Variants in CDK14 observed in about 807,000 individuals in gnomAD.
CDK14 encodes the protein cyclin-dependent kinase 14.
CDK14 carries 34 observed loss-of-function variants against 60.7 expected under a neutral mutation model. The observed-to-expected ratio is 0.56, with a 90% CI of 0.43 to 0.75. The LOEUF (loss-of-function observed/expected upper bound fraction) is 0.75. CDK14 is among the 30% of genes least tolerant of loss of function. The pLI, the probability that CDK14 is intolerant of heterozygous loss-of-function variation, is 0.00. For synonymous variants in CDK14, 197 were observed against 203.7 expected (o/e 0.97, Z 0.28); for missense variants, 482 against 564.1 (o/e 0.85, Z 1.47).
At chr7:91,141,596 A>C (rs43008) in intron 14 of CDK14, among the ~76,000 whole-genome samples, 56,792 of 128,354 alleles carry the variant, frequency 0.44, 12,116 homozygotes, top group Non-Finnish European at 0.54. Context: ...GACAACAGAG[A>C]AAGTAAGGTC....
At chr7:91,056,642 A>G (rs1797574977) in intron 11 of CDK14, among the ~76,000 whole-genome samples, 1 of 148,362 alleles carries the variant, frequency 6.7e-6, no homozygotes, top group East Asian at 2.0e-4. Context: ...CCCACCTATG[A>G]GTGAGAACAT....
In CDK14 at chr7:90,925,442, C is replaced by T. The variant is rs140043116; in HGVS notation, c.826+7718C>T. ...TGAGGCATAAGCAGAGGATGGAAAA[C>T]GATGGAAGATTTCAAGATCAAATGT... is the stretch of plus-strand genomic sequence containing the variant. On this transcript the variant is annotated intron_variant, in intron 8 of 14. Coordinates refer to ENST00000380050, the MANE Select transcript of CDK14 (RefSeq NM_001287135.2). 1.8e-3 allele frequency among the ~76,000 whole-genome samples: 277 copies of T among 152,238 alleles called. 2 individuals are homozygous for T. The Middle Eastern group carries it at 0.024, about 13-fold the overall frequency.
chr7:90,919,095 A>C (rs1296316119), intron 8 of CDK14, among the ~76,000 whole-genome samples: 1 of 152,096 alleles, frequency 6.6e-6, no homozygotes, highest in South Asian at 2.1e-4. Context: ...GAAGGTTTGC[A>C]GTTTCTCAAA....
chr7:90,744,092 G>A (rs987370103), intron 3 of CDK14, among the ~76,000 whole-genome samples: 1 of 152,122 alleles, frequency 6.6e-6, no homozygotes, highest in African/African-American at 2.4e-5. Flanking sequence ...GACAATAGTG[G>A]ATGGAAGGTT....
At chr7:90,748,442 T>C (rs1400554306) in intron 4 of CDK14, among the ~76,000 whole-genome samples, 2 of 152,244 alleles carry the variant, frequency 1.3e-5, no homozygotes, top group East Asian at 3.8e-4. Flanking sequence ...TAGTGACATG[T>C]AGTTGTAGAT....
intron 11 of CDK14, among the ~76,000 whole-genome samples, chr7:91,061,749 G>A (rs1038866157): frequency 3.3e-5 from 5 of 152,180 alleles, no homozygotes; most frequent in South Asian, 2.1e-4. Flanking sequence ...CTGCCTGATC[G>A]TTCCTCTGGA....
chr7:91,011,440 T>A (rs1796156762), intron 10 of CDK14, among the ~76,000 whole-genome samples: 1 of 152,190 alleles, frequency 6.6e-6, no homozygotes, highest in South Asian at 2.1e-4. Flanking sequence ...ATTATATTTT[T>A]GTGCTTGGCG....
At chr7:90,663,939 A>T (rs1426514588) in intron 2 of CDK14, among the ~76,000 whole-genome samples, 3 of 152,246 alleles carry the variant, frequency 2.0e-5, no homozygotes, top group African/African-American at 4.8e-5. Context: ...CTTAAAAATC[A>T]TGTTTTTGCA....
intron 2 of CDK14, among the ~76,000 whole-genome samples, chr7:90,705,306 A>T (rs1219655889): frequency 6.6e-6 from 1 of 152,112 alleles, no homozygotes; most frequent in East Asian, 1.9e-4. Flanking sequence ...CTGTTAAAAA[A>T]AAGTGTTTTC....
intron 2 of CDK14, among the ~76,000 whole-genome samples, chr7:90,672,200 A>G (rs1388594339): frequency 1.3e-5 from 2 of 152,156 alleles, no homozygotes; most frequent in African/African-American, 4.8e-5. Flanking sequence ...TAATTCACCC[A>G]TTTTAAGTAT....
At chr7:90,994,107 G>T (rs1024800075) in intron 10 of CDK14, among the ~76,000 whole-genome samples, 14 of 152,050 alleles carry the variant, frequency 9.2e-5, no homozygotes, top group African/African-American at 3.4e-4. Flanking sequence ...ATAAACAATA[G>T]TCATTTTTAA....
At chr7:91,187,350 A>G in intron 14 of CDK14, among the ~76,000 whole-genome samples, 1 of 152,220 alleles carries the variant, frequency 6.6e-6, no homozygotes, top group East Asian at 1.9e-4. Flanking sequence ...CTTAAGACAG[A>G]TGGTCAGCAA....
At chr7:90,981,945 C>T (rs895391798) in intron 9 of CDK14, among the ~76,000 whole-genome samples, 1 of 152,074 alleles carries the variant, frequency 6.6e-6, no homozygotes, top group Non-Finnish European at 1.5e-5. Flanking sequence ...ACTAATGTGA[C>T]TTAGCCATCT....
intron 14 of CDK14, among the ~76,000 whole-genome samples, chr7:91,145,133 A>G (rs946749485): frequency 1.3e-5 from 2 of 152,240 alleles, no homozygotes; most frequent in South Asian, 4.1e-4. Context: ...TAAGAAAAAC[A>G]CTAACTGGAT....
At chr7:91,110,422 C>T (rs1038714625) in intron 12 of CDK14, among the ~76,000 whole-genome samples, 13 of 152,058 alleles carry the variant, frequency 8.5e-5, no homozygotes, top group South Asian at 2.1e-4. Flanking sequence ...TATAATTCTT[C>T]GAGATAATGA....
intron 9 of CDK14, chr7:90,979,338 A>T (rs747486473): frequency 2.0e-5 from 3 of 152,124 alleles, no homozygotes; most frequent in Non-Finnish European, 4.4e-5. Flanking sequence ...CTCTCTAAAG[A>T]TTCTTCAGTT....
At chr7:90,729,355 T>TTTTG (rs1236429027) in intron 3 of CDK14, among the ~76,000 whole-genome samples, 3 of 125,090 alleles carry the variant, frequency 2.4e-5, no homozygotes, top group African/African-American at 9.7e-5. Context: ...TTTTTTTTTT[T>TTTTG]TTTTTTTTTT....
intron 12 of CDK14, among the ~76,000 whole-genome samples, chr7:91,086,571 A>G (rs1047725741): frequency 6.6e-6 from 1 of 152,100 alleles, no homozygotes; most frequent in African/African-American, 2.4e-5. Context: ...TGTTCATCAC[A>G]TATGAGATGC....
rs776227388 is a variant in CDK14 at position 90,674,404 on chromosome 7, A to AGCCATAGCT, written c.124-52162_124-52154dup. 1.5e-4 allele frequency among the ~76,000 whole-genome samples: 23 copies of AGCCATAGCT among 152,316 alleles called. No individual in the cohort carries two copies. The Middle Eastern group carries it at 0.014, about 90-fold the overall frequency. On this transcript the variant is annotated intron_variant, in intron 2 of 14. Coordinates refer to ENST00000380050, the MANE Select transcript of CDK14 (RefSeq NM_001287135.2). ...AATCTTATCAGTCTTGAGAGAGGAT[A>AGCCATAGCT]GCCATAGCTAAAGACAATCAGTTAG...
Sources: allele counts gnomAD v4.1 joint callset (sites outside exome capture counted in the v4.1 genomes callset), GRCh38; gene constraint gnomAD v4.1.1; transcripts MANE v1.5; gene names NCBI Gene and HGNC (gene_info 2026-07-23, HGNC 2026-07-21).